TBC1D32: variants seen among roughly 807,000 people sequenced by gnomAD.
TBC1D32 encodes TBC1 domain family member 32.
Under a neutral mutation model 170.3 loss-of-function variants are expected in TBC1D32, and 151 were observed. That is an observed-to-expected ratio of 0.89 (90% CI 0.78 to 1.01). The LOEUF is 1.01. TBC1D32 is among the 50% of genes least tolerant of loss of function. TBC1D32 has a pLI of 0.00. For missense variants in TBC1D32, 1,464 were observed against 1,457.1 expected (o/e 1.00, Z -0.08); for synonymous variants, 498 against 488.0 (o/e 1.02, Z -0.27).
Position 121,152,203 on chromosome 6 carries a change from C to T in TBC1D32, c.2773+7807G>A, listed in dbSNP as rs57151972. On this transcript the variant is annotated intron_variant, in intron 24 of 31. Coordinates refer to ENST00000398212, the MANE Select transcript of TBC1D32 (RefSeq NM_152730.6). ...CTCTTGTAAGGCAGGCCTGGAGTGA[C>T]AAAATCCCTCAGCATTTGTTTGTCT... is the stretch of plus-strand genomic sequence containing the variant. 3.4e-3 allele frequency among the ~76,000 whole-genome samples: 513 copies of T among 152,230 alleles called. 14 individuals are homozygous for T. The East Asian group carries it at 0.081, about 24-fold the overall frequency.
At chr6:121,305,626 G>A (rs1211157300) in intron 5 of TBC1D32, among the ~76,000 whole-genome samples, 1 of 151,914 alleles carries the variant, frequency 6.6e-6, no homozygotes, top group Non-Finnish European at 1.5e-5. Context: ...TCTTCTAATG[G>A]CCCCAAGAAA....
intron 15 of TBC1D32, among the ~76,000 whole-genome samples, chr6:121,273,317 A>G (rs373496481): frequency 4.0e-5 from 6 of 151,686 alleles, no homozygotes; most frequent in African/African-American, 1.5e-4. Flanking sequence ...GCCATAAAAA[A>G]GTATGAGGTC....
chr6:121,259,405 TA>T (rs1799476104), intron 15 of TBC1D32, among the ~76,000 whole-genome samples: 2 of 152,004 alleles, frequency 1.3e-5, no homozygotes, highest in African/African-American at 4.8e-5. Context: ...AACACTTAAA[TA>T]GGGTTAAGTG....
At chr6:121,101,501 A>G (rs1202589612) in intron 30 of TBC1D32, among the ~76,000 whole-genome samples, 2 of 152,178 alleles carry the variant, frequency 1.3e-5, no homozygotes, top group East Asian at 3.9e-4. Context: ...TGGTTACCTC[A>G]ATAGATGCAG....
At chr6:121,297,646 T>C (rs1805863966) in intron 10 of TBC1D32, among the ~76,000 whole-genome samples, 1 of 152,050 alleles carries the variant, frequency 6.6e-6, no homozygotes, top group Non-Finnish European at 1.5e-5. Flanking sequence ...ACCAACAGCA[T>C]ATACAAAAAT....
At chr6:121,249,416 T>C (rs1287602349) in intron 17 of TBC1D32, among the ~76,000 whole-genome samples, 1 of 151,826 alleles carries the variant, frequency 6.6e-6, no homozygotes, top group Non-Finnish European at 1.5e-5. Context: ...AAGACAAGGA[T>C]ACCCACTTTC....
intron 30 of TBC1D32, among the ~76,000 whole-genome samples, chr6:121,092,565 AG>A (rs906435412): frequency 6.6e-6 from 1 of 151,870 alleles, no homozygotes; most frequent in Admixed American, 6.6e-5. Context: ...AACCACAGGC[AG>A]GGGGGGCTTA....
intron 1 of TBC1D32, among the ~76,000 whole-genome samples, chr6:121,326,450 T>C (rs758960401): frequency 1.3e-5 from 2 of 152,214 alleles, no homozygotes; most frequent in East Asian, 1.9e-4. Context: ...AACATCACTA[T>C]GTACTCCATA....
intron 22 of TBC1D32, among the ~76,000 whole-genome samples, chr6:121,162,140 G>C (rs1421570319): frequency 6.6e-6 from 1 of 152,112 alleles, no homozygotes; most frequent in South Asian, 2.1e-4. Flanking sequence ...CTATTCTATA[G>C]GTTGTCTGTC....
chr6:121,281,741 TTA>T, intron 13 of TBC1D32, 55 bp from the exon 14 acceptor site: 1 of 1,390,654 alleles, frequency 7.2e-7, no homozygotes. Context: ...TAGAACTATT[TTA>T]TGTTAGCTGT....
chr6:121,083,021 A>AT (rs1235853651), intron 31 of TBC1D32, among the ~76,000 whole-genome samples: 1 of 151,964 alleles, frequency 6.6e-6, no homozygotes, highest in African/African-American at 2.4e-5. Context: ...AAAGTAGAAC[A>AT]TTTTTTCATC....
chr6:121,319,575 A>G (rs1282726789), intron 2 of TBC1D32, among the ~76,000 whole-genome samples: 2 of 152,154 alleles, frequency 1.3e-5, no homozygotes, highest in Non-Finnish European at 2.9e-5. Context: ...AAAACTTATA[A>G]TCTGGTGATT....
At chr6:121,229,892 G>GGAGA (rs1254083614) in intron 20 of TBC1D32, among the ~76,000 whole-genome samples, 1 of 152,000 alleles carries the variant, frequency 6.6e-6, no homozygotes, top group Non-Finnish European at 1.5e-5. Flanking sequence ...CTGTTCCCAT[G>GGAGA]ATAGTGAGTT....
At chr6:121,088,107 C>T (rs959904944) in intron 31 of TBC1D32, among the ~76,000 whole-genome samples, 1 of 151,888 alleles carries the variant, frequency 6.6e-6, no homozygotes, top group Non-Finnish European at 1.5e-5. Context: ...TGTGCCACCA[C>T]ACCTAGCTAA....
chr6:121,090,723 G>C (rs1425397252), intron 31 of TBC1D32, 130 bp downstream of exon 31: 1 of 762,244 alleles, frequency 1.3e-6, no homozygotes, highest in East Asian at 2.6e-5. Flanking sequence ...CTAAAATGGG[G>C]ATGATAATAG....
chr6:121,307,922 C>T, intron 5 of TBC1D32, 54 bp downstream of exon 5: 1 of 1,548,716 alleles, frequency 6.5e-7, no homozygotes, highest in Non-Finnish European at 8.8e-7. Context: ...CTATTTATTT[C>T]CAGAATGGTG....
intron 15 of TBC1D32, among the ~76,000 whole-genome samples, chr6:121,269,485 T>C (rs1801040098): frequency 6.8e-6 from 1 of 146,692 alleles, no homozygotes; most frequent in Non-Finnish European, 1.5e-5. Context: ...AAACAGACTT[T>C]AAACCAACAA....
rs142047374 is a variant in TBC1D32 at position 121,095,264 on chromosome 6, C to G, written c.3466-4223G>C. Among the ~76,000 whole-genome samples, 182 of 152,252 alleles carry G rather than the reference C, an allele frequency of 1.2e-3. 3 individuals carry two copies. The East Asian group carries it at 0.03, about 25-fold the overall frequency. On this transcript the variant is annotated intron_variant, in intron 30 of 31. Coordinates refer to ENST00000398212, the MANE Select transcript of TBC1D32 (RefSeq NM_152730.6). The stretch of plus-strand genomic sequence containing the variant: ...TAGGCAATTTTGTTCTTGAACCATA[C>G]TTAACATTATGCCAGAGGACATTAA...
chr6:121,240,095 G>A (rs563897083), intron 19 of TBC1D32, among the ~76,000 whole-genome samples: 1 of 152,222 alleles, frequency 6.6e-6, no homozygotes, highest in South Asian at 2.1e-4. Context: ...GACAATACAT[G>A]TGAAGTTCCT....
Sources: allele counts gnomAD v4.1 joint callset (sites outside exome capture counted in the v4.1 genomes callset), GRCh38; gene constraint gnomAD v4.1.1; transcripts MANE v1.5; gene names NCBI Gene and HGNC (gene_info 2026-07-23, HGNC 2026-07-21).